SLC24A2: variants seen among roughly 807,000 people sequenced by gnomAD.
SLC24A2 encodes solute carrier family 24 member 2.
A neutral mutation model predicts 62.0 loss-of-function variants in SLC24A2; 36 were observed. The ratio of observed to expected loss-of-function variants is 0.58; its 90% CI spans 0.44 to 0.77. SLC24A2 has a LOEUF of 0.77. Ranked by LOEUF, SLC24A2 falls within the 30% of genes least tolerant of loss-of-function variation. SLC24A2 has a pLI of 0.00. For synonymous variants in SLC24A2, 358 were observed against 294.0 expected (o/e 1.22, Z -2.23); for missense variants, 846 against 817.9 (o/e 1.03, Z -0.42).
intron 2 of SLC24A2, among the ~76,000 whole-genome samples, chr9:19,702,398 T>G (rs1481292315): frequency 6.6e-6 from 1 of 152,188 alleles, no homozygotes; most frequent in African/African-American, 2.4e-5. Flanking sequence ...CCTCACTACA[T>G]TTGTATCTAA....
chr9:20,143,412 A>T, the SLC24A2 span, among the ~76,000 whole-genome samples: 1 of 152,206 alleles, frequency 6.6e-6, no homozygotes, highest in Non-Finnish European at 1.5e-5. Context: ...TATTTGCCCT[A>T]GGGAAAAAAA....
chr9:20,070,207 C>G, the SLC24A2 span, among the ~76,000 whole-genome samples: 1 of 151,962 alleles, frequency 6.6e-6, no homozygotes, highest in Non-Finnish European at 1.5e-5. Context: ...GCTGGGTGTA[C>G]AATTCCTAAC....
chr9:20,144,534 C>G, the SLC24A2 span, among the ~76,000 whole-genome samples: 1 of 152,176 alleles, frequency 6.6e-6, no homozygotes, highest in African/African-American at 2.4e-5. Flanking sequence ...CAGCTTGCTT[C>G]TTGTCAGCTT....
intron 2 of SLC24A2, among the ~76,000 whole-genome samples, chr9:19,719,686 G>A (rs1270483671): frequency 2.0e-5 from 3 of 152,192 alleles, no homozygotes; most frequent in Non-Finnish European, 2.9e-5. Context: ...GTACTTACAA[G>A]AATATCAGCA....
intron 2 of SLC24A2, among the ~76,000 whole-genome samples, chr9:19,622,962 C>A (rs966921567): frequency 6.6e-6 from 1 of 152,138 alleles, no homozygotes; most frequent in Non-Finnish European, 1.5e-5. Flanking sequence ...TTCCCATCAC[C>A]TCAAGTTTTC....
the SLC24A2 span, among the ~76,000 whole-genome samples, chr9:19,805,760 CTT>C: frequency 2.1e-5 from 3 of 140,510 alleles, no homozygotes; most frequent in Admixed American, 7.2e-5. Context: ...GAGCTTGATA[CTT>C]TTTTTTTTTT....
At chr9:19,817,259 T>C in the SLC24A2 span, among the ~76,000 whole-genome samples, 3 of 151,896 alleles carry the variant, frequency 2.0e-5, no homozygotes, top group African/African-American at 4.8e-5. Flanking sequence ...GAAGCAACTA[T>C]AGGGAGTTAT....
In SLC24A2 at chr9:19,509,171, C is replaced by T. The variant is rs1410152048; in HGVS notation, c.*6982G>A. 1 of 152,012 alleles carries T rather than the reference C, an allele frequency of 6.6e-6. No homozygotes were observed. The highest frequency in any genetic ancestry group is 6.6e-5 in the Admixed American group (1 of 15,262). 9.4% of individuals were successfully genotyped at this position (152,012 alleles called of 1,614,324 possible). On this transcript the variant is annotated 3_prime_UTR_variant, in exon 11 of 11. Transcript: ENST00000341998. ...TATGGGTGAACTTTGCTTTATATAA[C>T]AAAATGGATTCCTGAAAAAAATCTA...
chr9:19,606,286 A>C (rs1210173288), intron 4 of SLC24A2, among the ~76,000 whole-genome samples: 4 of 152,228 alleles, frequency 2.6e-5, no homozygotes, highest in African/African-American at 9.6e-5. Context: ...ATTTTCTAAA[A>C]TGAGATTGAT....
the SLC24A2 span, chr9:19,895,918 C>T: frequency 1.9e-6 from 3 of 1,613,510 alleles, no homozygotes; most frequent in Non-Finnish European, 2.5e-6. Context: ...TTCTAACATC[C>T]TCCTCATCAG....
chr9:19,519,569 T>TCATC (rs890182196), intron 10 of SLC24A2, among the ~76,000 whole-genome samples: 6 of 152,294 alleles, frequency 3.9e-5, no homozygotes, highest in East Asian at 1.9e-4. Context: ...AGGCATTCAT[T>TCATC]CATCCATCCA....
intron 4 of SLC24A2, among the ~76,000 whole-genome samples, chr9:19,619,269 T>A (rs1317638632): frequency 6.6e-6 from 1 of 152,242 alleles, no homozygotes; most frequent in Non-Finnish European, 1.5e-5. Context: ...AAAAGAGAAC[T>A]GTTACTTCAG....
At chr9:19,827,616 G>A in the SLC24A2 span, among the ~76,000 whole-genome samples, 1 of 151,936 alleles carries the variant, frequency 6.6e-6, no homozygotes, top group Non-Finnish European at 1.5e-5. Context: ...TGTTTAATGT[G>A]GCATCTCTGT....
intron 9 of SLC24A2, among the ~76,000 whole-genome samples, chr9:19,521,610 C>T (rs942780245): frequency 6.6e-6 from 1 of 152,222 alleles, no homozygotes. Flanking sequence ...AGCAAAGCAA[C>T]TGTGGAGAAG....
chr9:19,918,103 AAAT>A, the SLC24A2 span, among the ~76,000 whole-genome samples: 1 of 151,742 alleles, frequency 6.6e-6, no homozygotes, highest in East Asian at 1.9e-4. Context: ...TTATCCTTCG[AAAT>A]AATCATATTT....
chr9:19,838,203 A>C, the SLC24A2 span, among the ~76,000 whole-genome samples: 1 of 152,232 alleles, frequency 6.6e-6, no homozygotes, highest in African/African-American at 2.4e-5. Flanking sequence ...ACAGCATGGA[A>C]CTGGTACCAA....
Position 19,788,200 on chromosome 9 carries a change from G to T in SLC24A2, c.-154+685C>A, listed in dbSNP as rs550595042. On this transcript the variant is annotated intron_variant, in intron 1 of 10. Transcript: ENST00000341998. ...CACAAATCAACCCCGCTGAGTTGCT[G>T]CTACTCCTGAGATAACCCGACCCCA... is the stretch of plus-strand genomic sequence containing the variant. 7.2e-5 allele frequency among the ~76,000 whole-genome samples: 11 copies of T among 152,334 alleles called. No homozygotes were observed. In the South Asian group the frequency reaches 2.3e-3, roughly 32 times the overall value.
the SLC24A2 span, among the ~76,000 whole-genome samples, chr9:19,811,871 T>C: frequency 1.3e-5 from 2 of 152,184 alleles, no homozygotes; most frequent in Non-Finnish European, 2.9e-5. Context: ...ATTGCTTTTC[T>C]TTACTGCCTG....
the SLC24A2 span, among the ~76,000 whole-genome samples, chr9:19,972,086 A>T: frequency 6.6e-6 from 1 of 152,122 alleles, no homozygotes; most frequent in African/African-American, 2.4e-5. Flanking sequence ...CGAGGACTTT[A>T]TACTTTGTTA....
Sources: gnomAD v4.1 joint callset for allele counts (sites outside exome capture counted in the v4.1 genomes callset) on GRCh38, gnomAD v4.1.1 for gene constraint, MANE v1.5 for transcripts, NCBI Gene and HGNC (gene_info 2026-07-23, HGNC 2026-07-21) for gene names.